The following SNRPB variants were observed in gnomAD, a reference collection of about 807,000 sequenced individuals.
The protein encoded by SNRPB is small nuclear ribonucleoprotein polypeptides B and B1, also known as small nuclear ribonucleoprotein-associated proteins B and B'.
SNRPB carries 5 observed loss-of-function variants against 26.6 expected under a neutral mutation model. The ratio of observed to expected loss-of-function variants is 0.19; its 90% CI spans 0.10 to 0.39. SNRPB has a LOEUF of 0.39. Among genes scored for constraint, SNRPB ranks in the 10% least tolerant of loss-of-function variants. SNRPB has a pLI of 1.00. For missense variants in SNRPB, 211 were observed against 311.9 expected (o/e 0.68, Z 2.44); for synonymous variants, 122 against 105.8 (o/e 1.15, Z -0.94).
chr20:2,470,628 C>A, intron 1 of SNRPB, 60 bp downstream of exon 1: 1 of 1,608,202 alleles, frequency 6.2e-7, no homozygotes, highest in Admixed American at 1.7e-5. Context: ...CGATCAGTCG[C>A]GGTTCCCACT....
In SNRPB at chr20:2,463,732, T is replaced by A. The variant is rs1346957556; in HGVS notation, c.420+15A>T. ...TTAGCCACCAGGAGGTGGTACCCTTTCCCCAACTCCTCACCTGTTGGGATG... is the reference window on the plus strand; with the variant it reads ...TTAGCCACCAGGAGGTGGTACCCTTACCCCAACTCCTCACCTGTTGGGATG... On this transcript the variant is annotated intron_variant, in intron 4 of 6. Coordinates refer to ENST00000381342, the MANE Select transcript of SNRPB (RefSeq NM_003091.4). This position sits in a 1 kb window ranked among gnomAD's most constrained non-coding sequence, Gnocchi z 5.0. The A allele has an allele frequency of 2.6e-6, 4 of 1,556,164 alleles. No individual in the cohort carries two copies. Among genetic ancestry groups the A allele is most frequent in the Non-Finnish European group, 3.5e-6 (4 of 1,154,404 alleles).
chr20:2,462,420 A>G (rs1433098780), intron 6 of SNRPB, among the ~76,000 whole-genome samples: 2 of 152,216 alleles, frequency 1.3e-5, no homozygotes, highest in Non-Finnish European at 2.9e-5. Context: ...TGCCTTAGAT[A>G]TTGAGAAACA....
rs1259962321 is a variant in SNRPB, at chr20:2,463,005, G to A, written c.559+84C>T. Reference sequence around the variant, plus strand: ...GCTTAATTATACAAACTCATCATCAGCTTCAGTCAAGGTTATATCTCATCA... The same window carrying A: ...GCTTAATTATACAAACTCATCATCAACTTCAGTCAAGGTTATATCTCATCA... On this transcript the variant is annotated intron_variant, in intron 5 of 6. Transcript: ENST00000381342. This position sits in a 1 kb window ranked among gnomAD's most constrained non-coding sequence, Gnocchi z 5.0. 4.0e-6 allele frequency: 5 copies of A among 1,263,386 alleles called. No homozygotes were observed. Among genetic ancestry groups the A allele is most frequent in the Non-Finnish European group, 5.5e-6 (5 of 906,346 alleles). 78.3% of individuals were successfully genotyped at this position (1,263,386 alleles called of 1,614,324 possible).
At chr20:2,470,510 C>T (rs2085107041) in intron 1 of SNRPB, among the ~76,000 whole-genome samples, 178 bp downstream of exon 1, 3 of 152,214 alleles carry the variant, frequency 2.0e-5, no homozygotes, top group African/African-American at 7.2e-5. Flanking sequence ...TTTTCCTCGA[C>T]CCCATGCCTA....
At position 2,463,423 on chromosome 20, in the gene SNRPB, A is replaced by C. The variant is rs1202862077; in HGVS notation, c.421-196T>G. 6.6e-6 allele frequency among the ~76,000 whole-genome samples: 1 copy of C among 152,256 alleles called. No homozygotes were observed. Among genetic ancestry groups the C allele is most frequent in the Non-Finnish European group, 1.5e-5 (1 of 68,044 alleles). On this transcript the variant is annotated intron_variant, in intron 4 of 6. Transcript: ENST00000381342. The surrounding 1 kb of genome is among the most constrained non-coding windows in gnomAD (Gnocchi z 5.0). Reference sequence around the variant, plus strand: ...CTTGAATGCCCAACTCCCATCTTCTAGACCTGAATGTAAGCATGTCCAATC... The same window carrying C: ...CTTGAATGCCCAACTCCCATCTTCTCGACCTGAATGTAAGCATGTCCAATC...
chr20:2,470,329 G>A (rs763458788), intron 1 of SNRPB, among the ~76,000 whole-genome samples: 29 of 152,152 alleles, frequency 1.9e-4, no homozygotes, highest in Non-Finnish European at 4.0e-4. Context: ...CTTTTACCGG[G>A]TCCCCCTGCG....
In SNRPB at chr20:2,461,681, G is replaced by A. The variant is rs1024842075; in HGVS notation, c.*248C>T. ...GAGTTTATTATAAACCAGTTTCATA[G>A]GCCACAAGGAGATAAAAGGACTATG... is the stretch of plus-strand genomic sequence containing the variant. On this transcript the variant is annotated 3_prime_UTR_variant, in exon 7 of 7. Coordinates refer to ENST00000381342, the MANE Select transcript of SNRPB (RefSeq NM_003091.4). The A allele has an allele frequency of 5.4e-5, 55 of 1,023,386 alleles. No homozygotes were observed. In the East Asian group the frequency reaches 1.4e-3, roughly 25 times the overall value. The allele number at this position is 1,023,386 out of a possible 1,614,324, so 63.4% of individuals were successfully genotyped here.
At position 2,463,381 on chromosome 20, in the gene SNRPB, T is replaced by C. The variant is rs1430782931; in HGVS notation, c.421-154A>G. Among the ~76,000 whole-genome samples, 1 of 149,772 alleles carries C rather than the reference T, an allele frequency of 6.7e-6. No homozygotes were observed. Among genetic ancestry groups the C allele is most frequent in the African/African-American group, 2.5e-5 (1 of 39,244 alleles). ...ACCAGACTTCCCATCCAAAACCACA[T>C]GTCGGGAAAGATCAAGCTTGAATGC... On this transcript the variant is annotated intron_variant, in intron 4 of 6. Coordinates refer to ENST00000381342, the MANE Select transcript of SNRPB (RefSeq NM_003091.4). The surrounding 1 kb of genome is among the most constrained non-coding windows in gnomAD (Gnocchi z 5.0).
chr20:2,469,630 T>C (rs2085099387), intron 1 of SNRPB, among the ~76,000 whole-genome samples: 1 of 151,946 alleles, frequency 6.6e-6, no homozygotes, highest in Admixed American at 6.6e-5. Context: ...GAGGTGGAGT[T>C]TGCAGTGAAC....
Position 2,463,852 on chromosome 20 carries a change from C to T in SNRPB, c.315G>A (p.Gly105=). The T allele has an allele frequency of 6.2e-7, 1 of 1,613,402 alleles. No homozygotes were observed. The highest frequency in any genetic ancestry group is 8.5e-7 in the Non-Finnish European group (1 of 1,179,584). Reference sequence around the variant, plus strand: ...TTCCTCTGCCAGCAGCCCTGCCGATCCCTGGGCCCCCGGCAGCTCCAGCAA... The same window carrying T: ...TTCCTCTGCCAGCAGCCCTGCCGATTCCTGGGCCCCCGGCAGCTCCAGCAA... ...VPLAGAAGGP[G]IGRAAGRGIP... Residue 105 remains glycine, a synonymous_variant, in exon 4 of 7, where the codon GGG becomes GGA. Coordinates refer to ENST00000381342, the MANE Select transcript of SNRPB (RefSeq NM_003091.4). This position sits in a 1 kb window ranked among gnomAD's most constrained non-coding sequence, Gnocchi z 5.0.
intron 1 of SNRPB, among the ~76,000 whole-genome samples, chr20:2,470,068 T>C (rs1042257791): frequency 1.3e-5 from 2 of 152,224 alleles, no homozygotes; most frequent in African/African-American, 4.8e-5. Flanking sequence ...TTATATTATG[T>C]GTCCCCAGCT....
chr20:2,464,040 T>C, intron 3 of SNRPB, 141 bp from the exon 4 acceptor site: 1 of 712,382 alleles, frequency 1.4e-6, no homozygotes, highest in Admixed American at 2.8e-5. Context: ...TCTCCATGTG[T>C]GCCAACACCA....
intron 2 of SNRPB, chr20:2,467,328 CAT>C (rs2085080327): frequency 3.7e-6 from 2 of 545,404 alleles, no homozygotes; most frequent in East Asian, 4.4e-5. Flanking sequence ...GTGGGGAGAA[CAT>C]GAGAGCCCTT....
chr20:2,468,476 T>C lies in SNRPB; in HGVS notation c.4-718A>G, dbSNP rs549130869. 1.8e-4 allele frequency among the ~76,000 whole-genome samples: 27 copies of C among 152,370 alleles called. 1 individual carries two copies. In the South Asian group the frequency reaches 5.4e-3, roughly 30 times the overall value. On this transcript the variant is annotated intron_variant, in intron 1 of 6. Coordinates refer to ENST00000381342, the MANE Select transcript of SNRPB (RefSeq NM_003091.4). ...CCCTAAGCAGTTGTATTTCTCTCTA[T>C]AAACAAATCACCTGGCATTTGATCT... is the stretch of plus-strand genomic sequence containing the variant.
chr20:2,469,049 T>C (rs552644123), intron 1 of SNRPB, among the ~76,000 whole-genome samples: 1 of 152,356 alleles, frequency 6.6e-6, no homozygotes, highest in Admixed American at 6.5e-5. Context: ...TCTGAACCTT[T>C]AGGGCAACAT....
chr20:2,464,620 T>A (rs2085059262), intron 3 of SNRPB, among the ~76,000 whole-genome samples: 1 of 152,150 alleles, frequency 6.6e-6, no homozygotes, highest in Admixed American at 6.5e-5. Flanking sequence ...CAGAACAACA[T>A]AATATATGCC....
intron 1 of SNRPB, among the ~76,000 whole-genome samples, chr20:2,470,308 CA>C (rs11478445): frequency 0.61 from 92,428 of 152,066 alleles, 30,657 homozygotes; most frequent in Non-Finnish European, 0.74. Flanking sequence ...CAAACTTCCG[CA>C]AGTCTGAGCC....
At position 2,470,741 on chromosome 20, in the gene SNRPB, C is replaced by A; in HGVS notation, c.-51G>T. ...CCCGCCGGATTCGCCTCCTCAGAGGCCTAGCCTCTCTCCCACAGCCGATTT... is the reference window on the plus strand; with the variant it reads ...CCCGCCGGATTCGCCTCCTCAGAGGACTAGCCTCTCTCCCACAGCCGATTT... On this transcript the variant is annotated 5_prime_UTR_variant, in exon 1 of 7. Transcript: ENST00000381342. 1 of 1,607,694 alleles carries A rather than the reference C, an allele frequency of 6.2e-7. No homozygotes were observed. Among genetic ancestry groups the A allele is most frequent in the Non-Finnish European group, 8.5e-7 (1 of 1,177,848 alleles).
intron 1 of SNRPB, among the ~76,000 whole-genome samples, chr20:2,469,487 T>C (rs112513896): frequency 1.6e-4 from 25 of 151,994 alleles, no homozygotes; most frequent in African/African-American, 5.8e-4. Context: ...AGGTCAGGAG[T>C]TCGAGACCAG....
Sources: allele counts gnomAD v4.1 joint callset (sites outside exome capture counted in the v4.1 genomes callset), GRCh38; gene constraint gnomAD v4.1.1; non-coding constraint Gnocchi (gnomAD v3.1); transcripts MANE v1.5; gene names NCBI Gene and HGNC (gene_info 2026-07-23, HGNC 2026-07-21).